The following TRMO variants were observed in gnomAD, a reference collection of about 807,000 sequenced individuals.
The protein encoded by TRMO is tRNA methyltransferase O.
In TRMO, 30 loss-of-function variants were observed where a neutral mutation model predicts 37.2. The ratio of observed to expected loss-of-function variants is 0.81; its 90% CI spans 0.60 to 1.09. TRMO has a LOEUF of 1.09. Ranked by LOEUF, TRMO falls within the 50% of genes least tolerant of loss-of-function variation. The pLI, the probability that TRMO is intolerant of heterozygous loss-of-function variation, is 0.00. For synonymous variants in TRMO, 239 were observed against 199.4 expected (o/e 1.20, Z -1.67); for missense variants, 552 against 549.5 (o/e 1.00, Z -0.05).
the TRMO span, among the ~76,000 whole-genome samples, chr9:97,897,431 G>A: frequency 1.3e-5 from 2 of 152,086 alleles, no homozygotes; most frequent in African/African-American, 4.8e-5. Context: ...GTTTTGTTTT[G>A]TTTTGTTTAC....
intron 2 of TRMO, 138 bp from the exon 3 acceptor site, chr9:97,913,696 T>G (rs962708246): frequency 4.3e-5 from 26 of 609,564 alleles, no homozygotes; most frequent in Non-Finnish European, 6.6e-5. Context: ...TAACTTGTCA[T>G]CTGGTAGGAA....
chr9:97,922,330 C>A, intron 1 of TRMO, 88 bp downstream of exon 1: 2 of 862,266 alleles, frequency 2.3e-6, no homozygotes, highest in Admixed American at 2.2e-5. Flanking sequence ...AGTTCCAGAT[C>A]GTGCGTTTTA....
At chr9:97,909,101 C>T (rs1313126048) in intron 4 of TRMO, among the ~76,000 whole-genome samples, 1 of 152,104 alleles carries the variant, frequency 6.6e-6, no homozygotes, top group Non-Finnish European at 1.5e-5. Context: ...ATTACAGGCA[C>T]CTGCCACCAA....
At chr9:97,921,524 G>A (rs1826633402) in intron 1 of TRMO, among the ~76,000 whole-genome samples, 1 of 150,686 alleles carries the variant, frequency 6.6e-6, no homozygotes, top group Non-Finnish European at 1.5e-5. Context: ...CCGGGTTCAT[G>A]CCATTCTCCT....
chr9:97,897,633 A>T, the TRMO span, among the ~76,000 whole-genome samples: 1 of 152,196 alleles, frequency 6.6e-6, no homozygotes, highest in Non-Finnish European at 1.5e-5. Flanking sequence ...TATATTTTAA[A>T]TTGCATTGTA....
intron 1 of TRMO, among the ~76,000 whole-genome samples, chr9:97,921,910 C>T (rs773115702): frequency 2.6e-5 from 4 of 152,082 alleles, no homozygotes; most frequent in Non-Finnish European, 5.9e-5. Flanking sequence ...CTTCCATTTG[C>T]TTTCCAGTTT....
intron 2 of TRMO, among the ~76,000 whole-genome samples, chr9:97,914,421 G>A (rs926606935): frequency 3.9e-5 from 6 of 152,100 alleles, no homozygotes; most frequent in African/African-American, 1.4e-4. Flanking sequence ...TAAGAAAAAG[G>A]TCATTTGCAT....
At chr9:97,921,364 TG>T (rs2131543899) in intron 1 of TRMO, among the ~76,000 whole-genome samples, 1 of 152,116 alleles carries the variant, frequency 6.6e-6, no homozygotes, top group African/African-American at 2.4e-5. Context: ...GAGACCAGCC[TG>T]GGCAACACGG....
At chr9:97,901,242 A>T (rs771797407), downstream of TRMO, among the ~76,000 whole-genome samples, 2 of 84,772 alleles carry the variant, frequency 2.4e-5, no homozygotes, top group Non-Finnish European at 4.2e-5. Context: ...ATTTACGCCT[A>T]GTAGAGAATT....
At chr9:97,908,106 C>A (rs1412638246) in intron 4 of TRMO, among the ~76,000 whole-genome samples, 6 of 151,854 alleles carry the variant, frequency 4.0e-5, no homozygotes, top group Non-Finnish European at 5.9e-5. Context: ...AAAATGAGAC[C>A]CCGTCTCTTT....
At position 97,913,503 on chromosome 9, in the gene TRMO, G is replaced by T. The variant is rs1299659401; in HGVS notation, c.307C>A (p.Pro103Thr). 5 of 1,613,820 alleles carry T rather than the reference G, an allele frequency of 3.1e-6. No individual in the cohort carries two copies. In the South Asian group the frequency reaches 5.5e-5, roughly 18 times the overall value. ...GHLSCKAKVQPPRLNGAKTGV... is the reference protein window; with the variant it reads ...GHLSCKAKVQTPRLNGAKTGV... ...GTCTTTGCACCATTCAGCCTAGGAG[G>T]CTGCACTTTTGCCTTACAGCTCAAA... Residue 103 changes from proline (P) to threonine (T), a missense_variant, in exon 3 of 5, where the codon CCT becomes ACT. Coordinates refer to ENST00000375119, the MANE Select transcript of TRMO (RefSeq NM_016481.5).
At chr9:97,899,230 C>T in the TRMO span, among the ~76,000 whole-genome samples, 3 of 44,254 alleles carry the variant, frequency 6.8e-5, 1 homozygote, top group Non-Finnish European at 1.1e-4. Flanking sequence ...TAAAAAAAAC[C>T]CGTGAGCTGG....
rs779678919 is a variant in TRMO at position 97,910,425 on chromosome 9, G to A, written c.601C>T (p.Arg201Ter). Residue 201 changes from arginine to a stop codon, truncating the protein, a stop_gained, in exon 4 of 5, where the codon CGA becomes TGA. Coordinates refer to ENST00000375119, the MANE Select transcript of TRMO (RefSeq NM_016481.5). LOFTEE classifies it high-confidence loss of function. ...SDSKTDSCDQRQLSGCDEPQP... is the reference protein window; with the variant it reads ...SDSKTDSCDQ Reference sequence around the variant, plus strand: ...GGCTCATCACACCCTGAGAGCTGTCGCTGGTCACAGCTGTCAGTCTTGCTG... The same window carrying A: ...GGCTCATCACACCCTGAGAGCTGTCACTGGTCACAGCTGTCAGTCTTGCTG... 5.6e-6 allele frequency: 9 copies of A among 1,613,948 alleles called. No homozygotes were observed. Among genetic ancestry groups the A allele is most frequent in the Admixed American group, 1.7e-5 (1 of 59,996 alleles).
intron 1 of TRMO, among the ~76,000 whole-genome samples, chr9:97,921,331 G>A (rs985756738): frequency 6.6e-6 from 1 of 152,196 alleles, no homozygotes; most frequent in South Asian, 2.1e-4. Context: ...TAAGGCAGGT[G>A]GATTGCTTAA....
the TRMO span, among the ~76,000 whole-genome samples, chr9:97,898,162 AT>A: frequency 6.6e-6 from 1 of 152,192 alleles, no homozygotes; most frequent in African/African-American, 2.4e-5. Context: ...CACTGCGGGC[AT>A]TGAAAAGGCT....
At chr9:97,920,804 A>G (rs1326007806) in intron 1 of TRMO, among the ~76,000 whole-genome samples, 1 of 151,996 alleles carries the variant, frequency 6.6e-6, no homozygotes, top group Non-Finnish European at 1.5e-5. Flanking sequence ...TTCTCAAAAT[A>G]CTCTAGACGA....
Position 97,909,996 on chromosome 9 carries a change from G to C in TRMO, c.1030C>G (p.His344Asp). Residue 344 changes from histidine (H) to aspartate (D), a missense_variant, in exon 4 of 5, where the codon CAT becomes GAT. Physicochemically the swap from His to Asp is moderately conservative, Grantham distance 81. Coordinates refer to ENST00000375119, the MANE Select transcript of TRMO (RefSeq NM_016481.5). The stretch of plus-strand genomic sequence containing the variant: ...AGCTGCCCAAGGTCCATCTCGGCAT[G>C]AGGAGTAAACCGCACTTCTAAAGTG... ...VATLEVRFTP[H>D]AEMDLGQLSS... 6.4e-7 allele frequency: 1 copy of C among 1,570,538 alleles called. No homozygotes were observed. The highest frequency in any genetic ancestry group is 8.6e-7 in the Non-Finnish European group (1 of 1,158,228).
chr9:97,904,687 C>T lies in TRMO; in HGVS notation c.*46G>A, dbSNP rs1224401329. 8 of 1,594,284 alleles carry T rather than the reference C, an allele frequency of 5.0e-6. No individual in the cohort carries two copies. The highest frequency in any genetic ancestry group is 2.2e-5 in the East Asian group (1 of 44,570). On this transcript the variant is annotated 3_prime_UTR_variant, in exon 5 of 5. Coordinates refer to ENST00000375119, the MANE Select transcript of TRMO (RefSeq NM_016481.5). The stretch of plus-strand genomic sequence containing the variant: ...GCTTGTTCAGAAAATCCAAAAGCCA[C>T]ATCCAAAGATCAATGATGCTACCTT...
Position 97,904,605 on chromosome 9 carries a change from A to G in TRMO, c.*128T>C. 2.7e-6 allele frequency: 4 copies of G among 1,501,648 alleles called. No homozygotes were observed. The highest frequency in any genetic ancestry group is 2.7e-6 in the Non-Finnish European group (3 of 1,129,736). The allele number at this position is 1,501,648 out of a possible 1,614,324, so 93.0% of individuals were successfully genotyped here. The stretch of plus-strand genomic sequence containing the variant: ...CGTTTTTCAAATAAACATTTTGAAC[A>G]GCCCAAATCAATCAAAGCCATGAGA... On this transcript the variant is annotated 3_prime_UTR_variant, in exon 5 of 5. Transcript: ENST00000375119.
Sources: gnomAD v4.1 joint callset for allele counts (sites outside exome capture counted in the v4.1 genomes callset) on GRCh38, gnomAD v4.1.1 for gene constraint, MANE v1.5 for transcripts, NCBI Gene and HGNC (gene_info 2026-07-23, HGNC 2026-07-21) for gene names.